NGDN: variants seen among roughly 807,000 people sequenced by gnomAD.
NGDN encodes neuroguidin, also known as EIF4E-binding protein.
In NGDN, 41 loss-of-function variants were observed where a neutral mutation model predicts 45.2. The ratio of observed to expected loss-of-function variants is 0.91; its 90% confidence interval spans 0.71 to 1.18. The LOEUF (loss-of-function observed/expected upper bound fraction) is 1.18, where lower values mean the gene tolerates loss of function less well. Among genes scored for constraint, NGDN ranks in the 50% most tolerant of loss-of-function variants. The pLI is 0.00. For missense variants in NGDN, 402 were observed against 399.9 expected (o/e 1.01, Z -0.05); for synonymous variants, 137 against 130.9 (o/e 1.05, Z -0.32).
intron 8 of NGDN, among the ~76,000 whole-genome samples, chr14:23,476,665 G>A (rs74039337): frequency 0.01 from 1,573 of 152,280 alleles, 27 homozygotes; most frequent in African/African-American, 0.036. Context: ...GAAAAAAGCA[G>A]TACAAAGAGG....
intron 3 of NGDN, among the ~76,000 whole-genome samples, chr14:23,473,187 C>T (rs781752702): frequency 1.3e-5 from 2 of 151,960 alleles, no homozygotes; most frequent in African/African-American, 2.4e-5. Flanking sequence ...TTAGTAAAGA[C>T]GAGGTTTTAC....
chr14:23,473,701 G>A (rs569458440), intron 3 of NGDN, among the ~76,000 whole-genome samples: 406 of 152,088 alleles, frequency 2.7e-3, no homozygotes, highest in Admixed American at 5.8e-3. Flanking sequence ...AAATAAAAAT[G>A]GACAGTAAGA....
chr14:23,475,391 G>T, intron 4 of NGDN, 83 bp downstream of exon 4: 10 of 1,423,154 alleles, frequency 7.0e-6, no homozygotes, highest in Non-Finnish European at 9.7e-6. Context: ...TCATTTAAGT[G>T]AGTCTTCTCA....
chr14:23,476,526 A>G (rs944992362), intron 8 of NGDN, 119 bp downstream of exon 8: 8 of 979,374 alleles, frequency 8.2e-6, no homozygotes, highest in Non-Finnish European at 1.4e-6. Flanking sequence ...ATGGAGTGAA[A>G]ACTTTGGGAT....
intron 3 of NGDN, among the ~76,000 whole-genome samples, chr14:23,472,986 T>C (rs1566550320): frequency 6.6e-6 from 1 of 152,076 alleles, no homozygotes; most frequent in Non-Finnish European, 1.5e-5. Context: ...TTGTCCTGGG[T>C]ACCATGCTTT....
At chr14:23,475,838 C>G (rs2138725219) in intron 6 of NGDN, 60 bp downstream of exon 6, 1 of 1,532,684 alleles carries the variant, frequency 6.5e-7, no homozygotes, top group Non-Finnish European at 8.9e-7. Context: ...AGATGAGCCT[C>G]TTGGTGATCC....
chr14:23,477,161 C>A, intron 8 of NGDN, 39 bp from the exon 9 acceptor site: 2 of 1,608,236 alleles, frequency 1.2e-6, no homozygotes, highest in Non-Finnish European at 1.7e-6. Context: ...TTTCCATCTC[C>A]ATGGTCTGAG....
At chr14:23,477,733 A>AAAAGAAAAAAT in intron 10 of NGDN, 173 bp downstream of exon 10, 1 of 1,461,372 alleles carries the variant, frequency 6.8e-7, no homozygotes, top group Non-Finnish European at 9.0e-7. Flanking sequence ...GGAAATCAGC[A>AAAAGAAAAAAT]TCATTCACAA....
chr14:23,477,672 A>G (rs1458795613), intron 10 of NGDN, 112 bp downstream of exon 10: 1 of 1,546,674 alleles, frequency 6.5e-7, no homozygotes, highest in Non-Finnish European at 8.7e-7. Flanking sequence ...TCTCTTCCAT[A>G]CTGGGCAATA....
At chr14:23,476,435 C>A (rs1182794998) in intron 8 of NGDN, 28 bp downstream of exon 8, 1 of 1,588,112 alleles carries the variant, frequency 6.3e-7, no homozygotes, top group Non-Finnish European at 8.6e-7. Context: ...AGAAATTATT[C>A]CTGCACTCTA....
chr14:23,470,475 C>A (rs1039759629), intron 2 of NGDN, among the ~76,000 whole-genome samples: 3 of 152,198 alleles, frequency 2.0e-5, no homozygotes, highest in South Asian at 2.1e-4. Flanking sequence ...CCTCATAAGT[C>A]GAAATTTAGG....
rs2138725898 is a variant in NGDN at position 23,476,337 on chromosome 14, G to T, written c.643G>T (p.Asp215Tyr). The T allele has an allele frequency of 6.2e-7, 1 of 1,613,818 alleles. No homozygotes were observed. The highest frequency in any genetic ancestry group is 2.2e-5 in the East Asian group (1 of 44,890). The part of the protein sequence containing the change: ...VIRELKEQYS[D>Y]APEEIRDARH... The stretch of plus-strand genomic sequence containing the variant: ...TCGTGAACTTAAGGAGCAGTACTCA[G>T]ATGCTCCAGAGGAAATCCGTGATGC... Residue 215 changes from aspartate to tyrosine, a missense_variant, in exon 8 of 11, where the codon GAT becomes TAT. By Grantham distance (160) the Asp-to-Tyr change is radical. Coordinates refer to ENST00000408901, the MANE Select transcript of NGDN (RefSeq NM_001042635.2).
At chr14:23,472,824 T>G (rs549904516) in intron 3 of NGDN, among the ~76,000 whole-genome samples, 1 of 152,326 alleles carries the variant, frequency 6.6e-6, no homozygotes, top group Non-Finnish European at 1.5e-5. Context: ...TATTCCCTTC[T>G]TGTCTTTATC....
chr14:23,476,175 C>T lies in NGDN; in HGVS notation c.544+23C>T, dbSNP rs1203536911. On this transcript the variant is annotated intron_variant, in intron 7 of 10. Coordinates refer to ENST00000408901, the MANE Select transcript of NGDN (RefSeq NM_001042635.2). ...ATGGTATAAACTTTGGCTGCTGCCT[C>T]CTCAGCATGAACTGTTTCTCTTTTC... 7 of 1,614,006 alleles carry T rather than the reference C, an allele frequency of 4.3e-6. No individual in the cohort carries two copies. The African/African-American group carries it at 9.3e-5, about 22-fold the overall frequency.
At chr14:23,478,357 G>A (rs145065735), downstream of NGDN, 7 of 295,096 alleles carry the variant, frequency 2.4e-5, no homozygotes, top group East Asian at 7.1e-5. Context: ...ATTGAGAGAC[G>A]AGGCTGGTAT....
At chr14:23,477,153 T>C in intron 8 of NGDN, 47 bp from the exon 9 acceptor site, 4 of 1,595,506 alleles carry the variant, frequency 2.5e-6, no homozygotes, top group Non-Finnish European at 3.4e-6. Flanking sequence ...GCTGGAGCTT[T>C]CCATCTCCAT....
rs778764448 is a variant in NGDN, at chr14:23,475,171, G to A, written c.145G>A (p.Gly49Ser). ...TTTCTTTCTGTTTTGTTCAACTCAG[G>A]GTCTCAGCTTCTTGGAAGTGAAAGA... ...VQAGAYPTEK[G>S]LSFLEVKDQL... The change falls in exon 4 of 11, where the codon GGT becomes AGT. Residue 49 changes from glycine to serine, a missense_variant and splice_region_variant. Coordinates refer to ENST00000408901, the MANE Select transcript of NGDN (RefSeq NM_001042635.2). 1 of 1,611,032 alleles carries A rather than the reference G, an allele frequency of 6.2e-7. No individual in the cohort carries two copies. The highest frequency in any genetic ancestry group is 8.5e-7 in the Non-Finnish European group (1 of 1,179,084).
At chr14:23,477,920 A>C in intron 10 of NGDN, 87 bp from the exon 11 acceptor site, 4 of 1,613,082 alleles carry the variant, frequency 2.5e-6, no homozygotes, top group Non-Finnish European at 3.4e-6. Context: ...CACCCCTGTG[A>C]GCCCTTCCCT....
chr14:23,477,356 G>A lies in NGDN; in HGVS notation c.870G>A (p.Glu290=). The A allele has an allele frequency of 6.2e-7, 1 of 1,614,208 alleles. No homozygotes were observed. Among genetic ancestry groups the A allele is most frequent in the South Asian group, 1.1e-5 (1 of 91,088 alleles). The change falls in exon 9 of 11, where the codon GAG becomes GAA. Residue 290 remains glutamate (E), a splice_region_variant and synonymous_variant. Transcript: ENST00000408901. ...CAGGGGGAACTGTTCATCTTGATGA[G>A]GTGAGGTTGAGATATGGTTGTAGTA... ...ALTGGTVHLD[E]DQNPIKKRKK...
Sources: allele counts gnomAD v4.1 joint callset (sites outside exome capture counted in the v4.1 genomes callset), GRCh38; gene constraint gnomAD v4.1.1; transcripts MANE v1.5; gene names NCBI Gene and HGNC (gene_info 2026-07-23, HGNC 2026-07-21).